The following UNC5CL variants were observed in gnomAD, a reference collection of about 807,000 sequenced individuals.
UNC5CL encodes unc-5 family C-terminal like.
UNC5CL carries 42 observed loss-of-function variants against 54.1 expected under a neutral mutation model. The ratio of observed to expected loss-of-function variants is 0.78; its 90% confidence interval spans 0.61 to 1.00. The LOEUF (loss-of-function observed/expected upper bound fraction) is 1.00, where lower values mean the gene tolerates loss of function less well. UNC5CL is among the 50% of genes least tolerant of loss of function. The pLI, the probability that UNC5CL is intolerant of heterozygous loss-of-function variation, is 0.00. For missense variants in UNC5CL, 619 were observed against 675.6 expected (o/e 0.92, Z 0.93); for synonymous variants, 285 against 285.1 (o/e 1.00, Z 0.00).
intron 1 of UNC5CL, among the ~76,000 whole-genome samples, chr6:41,037,193 A>G (rs184452835): frequency 1.5e-4 from 23 of 152,216 alleles, no homozygotes; most frequent in African/African-American, 5.5e-4. Flanking sequence ...GTCACTCTTG[A>G]TTATGTGCTG....
At position 41,033,034 on chromosome 6, in the gene UNC5CL, T is replaced by C. The variant is rs774324550; in HGVS notation, c.799A>G (p.Ile267Val). The change falls in exon 4 of 9, where the codon ATC (isoleucine) becomes GTC (valine). Residue 267 changes from isoleucine to valine, a missense_variant. Physicochemically the swap from Ile to Val is conservative, Grantham distance 29. Coordinates refer to ENST00000244565, the MANE Select transcript of UNC5CL (RefSeq NM_173561.3). ...VPGQSHLQLR[I>V]YFLNNTPCAL... ...CAGGGCGTGTTGTTGAGGAAGTAGATACGCAGTTGCAGATGGGACTGTCCT... is the reference window on the plus strand; with the variant it reads ...CAGGGCGTGTTGTTGAGGAAGTAGACACGCAGTTGCAGATGGGACTGTCCT... 54 of 1,610,942 alleles carry C rather than the reference T, an allele frequency of 3.4e-5. No individual in the cohort carries two copies. The highest frequency in any genetic ancestry group is 2.4e-4 in the South Asian group (22 of 90,418).
intron 6 of UNC5CL, among the ~76,000 whole-genome samples, chr6:41,031,137 A>G (rs1762449348): frequency 6.6e-6 from 1 of 152,080 alleles, no homozygotes; most frequent in Non-Finnish European, 1.5e-5. Flanking sequence ...TCTCCAAGTG[A>G]CAACAGGGTA....
intron 6 of UNC5CL, 111 bp downstream of exon 6, chr6:41,031,570 T>A: frequency 3.7e-6 from 4 of 1,094,262 alleles, no homozygotes; most frequent in Non-Finnish European, 4.2e-6. Context: ...GAAAGTGCCA[T>A]CTTTACCTAT....
At chr6:41,035,203 A>C in intron 1 of UNC5CL, 68 bp from the exon 2 acceptor site, 1 of 1,213,726 alleles carries the variant, frequency 8.2e-7, no homozygotes, top group Non-Finnish European at 1.1e-6. Flanking sequence ...GGCTTGGCTT[A>C]CACATAGCTG....
chr6:41,038,129 TC>T (rs1276080656), intron 1 of UNC5CL, among the ~76,000 whole-genome samples: 2 of 152,134 alleles, frequency 1.3e-5, no homozygotes, highest in African/African-American at 2.4e-5. Context: ...CCCCTTCTTT[TC>T]CCCAAGTATC....
rs1418337856 is a variant in UNC5CL at position 41,027,855 on chromosome 6, A to C, written c.*518T>G. 1 of 152,110 alleles carries C rather than the reference A, an allele frequency of 6.6e-6. No homozygotes were observed. Among genetic ancestry groups the C allele is most frequent in the Non-Finnish European group, 1.5e-5 (1 of 68,256 alleles). The allele number at this position is 152,110 out of a possible 1,614,324, so 9.4% of individuals were successfully genotyped here. Reference sequence around the variant, plus strand: ...CCCGCACTCAGCTCTTCCCCTCTCAACTCCTAAAGCCACACCCACCTCCCC... The same window carrying C: ...CCCGCACTCAGCTCTTCCCCTCTCACCTCCTAAAGCCACACCCACCTCCCC... On this transcript the variant is annotated 3_prime_UTR_variant, in exon 9 of 9. Transcript: ENST00000244565.
chr6:41,033,147 C>T lies in UNC5CL; in HGVS notation c.687-1G>A. ...TGCCTCCAGCACACAGGTGTAGAGG[C>T]TGCAGAGGGAGCCAGTGGCAGGCAC... On this transcript the variant is annotated splice_acceptor_variant, in intron 3 of 8. Coordinates refer to ENST00000244565, the MANE Select transcript of UNC5CL (RefSeq NM_173561.3). LOFTEE classifies it high-confidence loss of function. 1 of 1,611,860 alleles carries T rather than the reference C, an allele frequency of 6.2e-7. No individual in the cohort carries two copies. The highest frequency in any genetic ancestry group is 8.5e-7 in the Non-Finnish European group (1 of 1,179,106).
Position 41,034,199 on chromosome 6 carries a change from A to C in UNC5CL, c.386-18T>G. Reference sequence around the variant, plus strand: ...CACAGCACCTGGCAGGGAGAGGGAGAGCTGAGATGGGCCTGGTAGGCAGGC... The same window carrying C: ...CACAGCACCTGGCAGGGAGAGGGAGCGCTGAGATGGGCCTGGTAGGCAGGC... On this transcript the variant is annotated intron_variant, in intron 2 of 8. Transcript: ENST00000244565. The C allele has an allele frequency of 1.9e-6, 3 of 1,588,018 alleles. No individual in the cohort carries two copies. The highest frequency in any genetic ancestry group is 2.6e-6 in the Non-Finnish European group (3 of 1,166,878).
chr6:41,026,961 G>C lies in UNC5CL; in HGVS notation c.*1412C>G, dbSNP rs913857936. ...ATTAAATACAGAAGAAAATTGTGTT[G>C]CCAGAGAGATTGTTTGCCTGCCTTT... On this transcript the variant is annotated 3_prime_UTR_variant, in exon 9 of 9. Transcript: ENST00000244565. The C allele has an allele frequency of 6.6e-6, 1 of 152,166 alleles. No homozygotes were observed. Among genetic ancestry groups the C allele is most frequent in the Non-Finnish European group, 1.5e-5 (1 of 68,022 alleles). 9.4% of individuals were successfully genotyped at this position (152,166 alleles called of 1,614,324 possible).
chr6:41,028,250 C>G lies in UNC5CL; in HGVS notation c.*123G>C. 2 of 1,118,770 alleles carry G rather than the reference C, an allele frequency of 1.8e-6. No homozygotes were observed. The highest frequency in any genetic ancestry group is 1.6e-5 in the South Asian group (1 of 60,812). 69.3% of individuals were successfully genotyped at this position (1,118,770 alleles called of 1,614,324 possible). A position where few individuals can be genotyped will look rare whatever the true frequency, so the allele number is the denominator to read the frequency against. ...CTGGCGAGGACGCGGGCGGCCCTGG[C>G]ACCGTCCGAGGGTTCTGGGAAGGGT... On this transcript the variant is annotated 3_prime_UTR_variant, in exon 9 of 9. Transcript: ENST00000244565. The surrounding 1 kb of genome is among the most constrained non-coding windows in gnomAD (Gnocchi z 4.3).
At chr6:41,037,831 CT>C (rs1762541535) in intron 1 of UNC5CL, among the ~76,000 whole-genome samples, 1 of 152,232 alleles carries the variant, frequency 6.6e-6, no homozygotes, top group African/African-American at 2.4e-5. Context: ...TCTTTTGGTT[CT>C]TTCACATTAG....
rs1762419062 is a variant in UNC5CL, at chr6:41,028,765, C to T, written c.1335-170G>A. Among the ~76,000 whole-genome samples, 1 of 152,126 alleles carries T rather than the reference C, an allele frequency of 6.6e-6. No homozygotes were observed. Among genetic ancestry groups the T allele is most frequent in the Admixed American group, 6.5e-5 (1 of 15,286 alleles). ...CCAGGGCACAGGAGGTGGGAAGCCC[C>T]AGGGCTTTGAAACTTGAGATTGTCC... On this transcript the variant is annotated intron_variant, in intron 8 of 8. Transcript: ENST00000244565. This position sits in a 1 kb window ranked among gnomAD's most constrained non-coding sequence, Gnocchi z 4.3.
intron 5 of UNC5CL, 51 bp from the exon 6 acceptor site, chr6:41,031,799 G>A: frequency 6.3e-7 from 1 of 1,582,700 alleles, no homozygotes; most frequent in Non-Finnish European, 8.7e-7. Context: ...ACGGCCTGGG[G>A]TAAGAGCAGG....
intron 3 of UNC5CL, chr6:41,033,611 C>T: frequency 1.8e-6 from 1 of 553,794 alleles, no homozygotes; most frequent in South Asian, 2.6e-5. Context: ...AAAGACAGGT[C>T]CCTCTTAGAT....
Position 41,034,879 on chromosome 6 carries a change from T to C in UNC5CL, c.196A>G (p.Arg66Gly). The change falls in exon 2 of 9, where the codon AGG becomes GGG. Residue 66 changes from arginine to glycine, a missense_variant. By Grantham distance (125) the Arg-to-Gly change is moderately radical. Coordinates refer to ENST00000244565, the MANE Select transcript of UNC5CL (RefSeq NM_173561.3). ...PTPQLENEVS[R>G]QHLPATLPEM... ...GGCAGTGTGGCTGGCAGGTGCTGCCTTGAGACCTCATTTTCTAGTTGGGGG... is the reference window on the plus strand; with the variant it reads ...GGCAGTGTGGCTGGCAGGTGCTGCCCTGAGACCTCATTTTCTAGTTGGGGG... The C allele has an allele frequency of 2.5e-6, 4 of 1,614,222 alleles. No individual in the cohort carries two copies. Among genetic ancestry groups the C allele is most frequent in the Non-Finnish European group, 2.5e-6 (3 of 1,180,036 alleles).
At chr6:41,030,581 T>C (rs1581975285) in intron 7 of UNC5CL, 74 bp downstream of exon 7, 2 of 1,610,134 alleles carry the variant, frequency 1.2e-6, no homozygotes, top group East Asian at 4.5e-5. Context: ...CCCTAAATGC[T>C]GTAGTCACCC....
At position 41,026,944 on chromosome 6, in the gene UNC5CL, CA is replaced by C. The variant is rs541436960; in HGVS notation, c.*1428del. The C allele has an allele frequency of 4.0e-3, 616 of 152,232 alleles. 5 individuals are homozygous for C. Among genetic ancestry groups the C allele is most frequent in the African/African-American group, 0.013 (550 of 41,544 alleles). The allele number at this position is 152,232 out of a possible 1,614,324, so 9.4% of individuals were successfully genotyped here. ...AGCTTTAATATTTTTTAATTAAATA[CA>C]GAAGAAAATTGTGTTGCCAGAGAGA... is the stretch of plus-strand genomic sequence containing the variant. On this transcript the variant is annotated 3_prime_UTR_variant, in exon 9 of 9. Coordinates refer to ENST00000244565, the MANE Select transcript of UNC5CL (RefSeq NM_173561.3).
chr6:41,032,697 G>A (rs1205366024), intron 4 of UNC5CL, among the ~76,000 whole-genome samples, 187 bp downstream of exon 4: 4 of 152,184 alleles, frequency 2.6e-5, no homozygotes, highest in African/African-American at 9.7e-5. Flanking sequence ...GGAGGCGGAG[G>A]TTGCTGTGAG....
rs1422339274 is a variant in UNC5CL, at chr6:41,030,643, C to T, written c.1220+12G>A. ...ATCCCCCAGGCAGCAGCCCAAGCAA[C>T]CCCCGTCTCACCTATTGCATGGGGG... On this transcript the variant is annotated intron_variant, in intron 7 of 8. Transcript: ENST00000244565. The T allele has an allele frequency of 6.2e-7, 1 of 1,613,878 alleles. No individual in the cohort carries two copies. Among genetic ancestry groups the T allele is most frequent in the East Asian group, 2.2e-5 (1 of 44,896 alleles).
Sources: allele counts gnomAD v4.1 joint callset (sites outside exome capture counted in the v4.1 genomes callset), GRCh38; gene constraint gnomAD v4.1.1; non-coding constraint Gnocchi (gnomAD v3.1); transcripts MANE v1.5; gene names NCBI Gene and HGNC (gene_info 2026-07-23, HGNC 2026-07-21).